PDE10A: variants seen among roughly 807,000 people sequenced by gnomAD.
The protein encoded by PDE10A is phosphodiesterase 10A.
PDE10A carries 39 observed loss-of-function variants against 97.7 expected under a neutral mutation model. That is an observed-to-expected ratio of 0.40 (90% CI 0.31 to 0.52). The LOEUF (loss-of-function observed/expected upper bound fraction) is 0.52. Ranked by LOEUF, PDE10A falls within the 20% of genes least tolerant of loss-of-function variation. PDE10A has a pLI of 0.56. For synonymous variants in PDE10A, 371 were observed against 376.8 expected (o/e 0.98, Z 0.18); for missense variants, 731 against 1,047.8 (o/e 0.70, Z 4.17).
intron 18 of PDE10A, among the ~76,000 whole-genome samples, chr6:165,370,195 A>G (rs1784129016): frequency 6.6e-6 from 1 of 152,122 alleles, no homozygotes; most frequent in East Asian, 1.9e-4. Context: ...ACCAGCCAAC[A>G]TCATAATGAC....
intron 1 of PDE10A, among the ~76,000 whole-genome samples, chr6:165,956,771 A>G (rs1784145787): frequency 6.6e-6 from 1 of 152,212 alleles, no homozygotes; most frequent in Non-Finnish European, 1.5e-5. Flanking sequence ...CAGATGTGTC[A>G]ACCATGGTAT....
chr6:165,553,773 A>G (rs1180513032), intron 1 of PDE10A, among the ~76,000 whole-genome samples: 1 of 152,206 alleles, frequency 6.6e-6, no homozygotes, highest in Non-Finnish European at 1.5e-5. Flanking sequence ...AAGAACATAA[A>G]TGAAAGTTTC....
rs58740333 is a variant in PDE10A at position 165,913,273 on chromosome 6, TACACACACACAC to T, written c.-615+74244_-615+74255del. ...ATGTTGAATAAGGACACTCAACTTG[TACACACACACAC>T]ACACACACACACACACACACACACA... On this transcript the variant is annotated intron_variant, in intron 1 of 19. Coordinates refer to the PDE10A transcript ENST00000366882. Among the ~76,000 whole-genome samples, 362 of 147,980 alleles carry T rather than the reference TACACACACACAC, an allele frequency of 2.4e-3. 3 individuals carry two copies. Among genetic ancestry groups the T allele is most frequent in the East Asian group, 8.2e-3 (41 of 4,986 alleles).
chr6:165,970,011 G>A (rs1583371990), intron 1 of PDE10A, among the ~76,000 whole-genome samples: 1 of 152,220 alleles, frequency 6.6e-6, no homozygotes, highest in East Asian at 1.9e-4. Context: ...TAGTGACCAA[G>A]TGGTCAAAGT....
chr6:165,919,420 A>G (rs534880280), intron 1 of PDE10A, among the ~76,000 whole-genome samples: 46 of 152,316 alleles, frequency 3.0e-4, no homozygotes, highest in African/African-American at 1.1e-3. Context: ...GTTAATAGCA[A>G]GATCTTGGTA....
chr6:165,553,136 T>A (rs1021798561), intron 1 of PDE10A, among the ~76,000 whole-genome samples: 4 of 152,206 alleles, frequency 2.6e-5, no homozygotes, highest in African/African-American at 4.8e-5. Context: ...ACCCTTTACA[T>A]AAAACTTCAT....
chr6:165,345,575 T>C (rs914182597), intron 18 of PDE10A, among the ~76,000 whole-genome samples: 1 of 152,148 alleles, frequency 6.6e-6, no homozygotes, highest in African/African-American at 2.4e-5. Flanking sequence ...TAATAACCAA[T>C]TGTGAAAGGA....
chr6:165,707,025 A>C (rs753027763), intron 1 of PDE10A, among the ~76,000 whole-genome samples: 1 of 152,358 alleles, frequency 6.6e-6, no homozygotes, highest in Non-Finnish European at 1.5e-5. Flanking sequence ...TACAAAAATT[A>C]TAATCCAAAA....
At chr6:165,474,904 G>C (rs1291295568) in intron 3 of PDE10A, among the ~76,000 whole-genome samples, 1 of 152,182 alleles carries the variant, frequency 6.6e-6, no homozygotes, top group Non-Finnish European at 1.5e-5. Flanking sequence ...GCAAGAGAGA[G>C]AGAAATAGAG....
intron 1 of PDE10A, among the ~76,000 whole-genome samples, chr6:165,960,812 C>G (rs1416631149): frequency 6.6e-6 from 1 of 152,158 alleles, no homozygotes; most frequent in Admixed American, 6.5e-5. Context: ...GGTGGGAAGA[C>G]AGAGGAGCAC....
intron 1 of PDE10A, among the ~76,000 whole-genome samples, chr6:165,580,390 T>G (rs759797565): frequency 6.6e-6 from 1 of 152,102 alleles, no homozygotes; most frequent in Non-Finnish European, 1.5e-5. Context: ...TACAAACAGT[T>G]TGATGTTGCC....
chr6:165,891,570 A>G (rs1228474162), intron 1 of PDE10A, among the ~76,000 whole-genome samples: 1 of 151,798 alleles, frequency 6.6e-6, no homozygotes, highest in Non-Finnish European at 1.5e-5. Flanking sequence ...TGACCTCAAG[A>G]GGATGCTGCC....
chr6:165,359,138 AT>A (rs1349960334), intron 18 of PDE10A, among the ~76,000 whole-genome samples: 1 of 151,968 alleles, frequency 6.6e-6, no homozygotes, highest in Non-Finnish European at 1.5e-5. Flanking sequence ...CCACTCATTC[AT>A]TTTTTAGAAA....
chr6:165,739,163 G>A (rs1164205468), intron 1 of PDE10A, among the ~76,000 whole-genome samples: 1 of 152,122 alleles, frequency 6.6e-6, no homozygotes, highest in Non-Finnish European at 1.5e-5. Context: ...GGAATCACAG[G>A]ACCCTGGATA....
intron 1 of PDE10A, among the ~76,000 whole-genome samples, chr6:165,572,496 A>G (rs552060658): frequency 6.6e-6 from 1 of 152,278 alleles, no homozygotes; most frequent in Non-Finnish European, 1.5e-5. Flanking sequence ...ACATTGTTAT[A>G]AAGTGGTTTC....
At chr6:165,401,361 G>C (rs1786648623) in intron 13 of PDE10A, among the ~76,000 whole-genome samples, 1 of 152,160 alleles carries the variant, frequency 6.6e-6, no homozygotes, top group African/African-American at 2.4e-5. Flanking sequence ...TTTTCATTCA[G>C]TGTTAATGTC....
chr6:165,809,660 C>T (rs1415060738), intron 1 of PDE10A, among the ~76,000 whole-genome samples: 1 of 152,162 alleles, frequency 6.6e-6, no homozygotes, highest in African/African-American at 2.4e-5. Context: ...CTAGTGAGTG[C>T]TTAGTGAGCA....
intron 1 of PDE10A, among the ~76,000 whole-genome samples, chr6:165,737,622 C>T (rs1792610967): frequency 6.6e-6 from 1 of 152,220 alleles, no homozygotes; most frequent in African/African-American, 2.4e-5. Flanking sequence ...TGAAAACAAT[C>T]TTCATGATAA....
At chr6:165,634,182 C>T (rs577516761) in intron 1 of PDE10A, among the ~76,000 whole-genome samples, 1 of 152,256 alleles carries the variant, frequency 6.6e-6, no homozygotes, top group South Asian at 2.1e-4. Context: ...CTTTGAGAAT[C>T]AATGCCTCCG....
Sources: allele counts gnomAD v4.1 joint callset (sites outside exome capture counted in the v4.1 genomes callset), GRCh38; gene constraint gnomAD v4.1.1; transcripts MANE v1.5; gene names NCBI Gene and HGNC (gene_info 2026-07-23, HGNC 2026-07-21).